ACSM3: variants seen among roughly 807,000 people sequenced by gnomAD.
The protein encoded by ACSM3 is acyl-coenzyme A synthetase ACSM3, mitochondrial.
Under a neutral mutation model 74.1 loss-of-function variants are expected in ACSM3, and 61 were observed. The ratio of observed to expected loss-of-function variants is 0.82; its 90% CI spans 0.67 to 1.02. ACSM3 has a LOEUF of 1.02. Ranked by LOEUF, ACSM3 falls within the 50% of genes least tolerant of loss-of-function variation. ACSM3 has a pLI of 0.00. For synonymous variants in ACSM3, 213 were observed against 241.5 expected (o/e 0.88, Z 1.09); for missense variants, 660 against 697.0 (o/e 0.95, Z 0.60).
chr16:20,781,583 AG>A, intron 6 of ACSM3, 124 bp from the exon 7 acceptor site: 1 of 784,128 alleles, frequency 1.3e-6, no homozygotes. Context: ...TGATTCTACA[AG>A]AAAAGGTAAG....
At chr16:20,757,110 T>C (rs373842582) in intron 3 of ACSM3, among the ~76,000 whole-genome samples, 18,877 of 148,724 alleles carry the variant, frequency 0.13, 1,233 homozygotes, top group East Asian at 0.2. Flanking sequence ...ATTGACTTGG[T>C]GATGCGGGCT....
chr16:20,750,868 G>A (rs572328174), intron 2 of ACSM3, among the ~76,000 whole-genome samples: 22 of 24,974 alleles, frequency 8.8e-4, no homozygotes, highest in Middle Eastern at 0.02. Context: ...TTTTTGAAAC[G>A]GAGTCTTACT....
Position 20,705,779 on chromosome 16 carries a change from G to A in ACSM3, c.-190+30957G>A, listed in dbSNP as rs146933470. Among the ~76,000 whole-genome samples the A allele has an allele frequency of 2.9e-3, 444 of 152,302 alleles. 3 individuals carry two copies. The highest frequency in any genetic ancestry group is 0.01 in the African/African-American group (421 of 41,570). On this transcript the variant is annotated intron_variant, in intron 1 of 3. Transcript: ENST00000561584. The stretch of plus-strand genomic sequence containing the variant: ...AATGAAGAAAACTAAAGACTCAGAT[G>A]TTGGAATTAGTAGAGAAGGATTTCA...
chr16:20,767,516 C>CAAAA lies in ACSM3; in HGVS notation c.-51-2442_-51-2439dup, dbSNP rs772094919. Among the ~76,000 whole-genome samples the CAAAA allele has an allele frequency of 8.9e-4, 4 of 4,490 alleles. 1 individual carries two copies. The highest frequency in any genetic ancestry group is 4.1e-3 in the African/African-American group (3 of 728). The allele number at this position is 4,490 out of a possible 152,430, so 2.9% of individuals were successfully genotyped here. ...TGGGCGACAGAGCGAGACTCCGTCT[C>CAAAA]AAAAAAAAAAAAAAAAAAAAAAAAA... On this transcript the variant is annotated intron_variant, in intron 1 of 13. Coordinates refer to ENST00000289416, the MANE Select transcript of ACSM3 (RefSeq NM_005622.4).
intron 1 of ACSM3, among the ~76,000 whole-genome samples, chr16:20,765,279 A>C (rs1285543060): frequency 6.6e-6 from 1 of 152,208 alleles, no homozygotes; most frequent in Non-Finnish European, 1.5e-5. Flanking sequence ...AACCTGGGAA[A>C]TAGAAGTTGT....
intron 1 of ACSM3, among the ~76,000 whole-genome samples, chr16:20,765,666 G>A (rs1170933270): frequency 6.6e-6 from 1 of 152,164 alleles, no homozygotes; most frequent in Non-Finnish European, 1.5e-5. Context: ...TATATTTTCA[G>A]CATTTAGTAC....
intron 3 of ACSM3, 140 bp from the exon 4 acceptor site, chr16:20,777,233 A>T: frequency 1.2e-6 from 1 of 802,572 alleles, no homozygotes; most frequent in Non-Finnish European, 1.9e-6. Context: ...GATAAGTGAA[A>T]GCAAGATAAA....
chr16:20,734,600 T>C (rs1294650202), intron 1 of ACSM3: 1 of 152,142 alleles, frequency 6.6e-6, no homozygotes, highest in Non-Finnish European at 1.5e-5. Flanking sequence ...TTTTTAAAAC[T>C]TAAGGATAAG....
chr16:20,768,205 C>T (rs1180648121), intron 1 of ACSM3, among the ~76,000 whole-genome samples: 1 of 152,148 alleles, frequency 6.6e-6, no homozygotes, highest in African/African-American at 2.4e-5. Flanking sequence ...CTATTAGTCG[C>T]TCCATTGGTA....
chr16:20,797,536 A>T lies in ACSM3; in HGVS notation c.*564A>T. Reference sequence around the variant, plus strand: ...AACTATAAAAGAAGGATCATATACTATTGTTGCTTATTATATGTAATCTAA... The same window carrying T: ...AACTATAAAAGAAGGATCATATACTTTTGTTGCTTATTATATGTAATCTAA... On this transcript the variant is annotated 3_prime_UTR_variant, in exon 14 of 14. Coordinates refer to ENST00000289416, the MANE Select transcript of ACSM3 (RefSeq NM_005622.4). The T allele has an allele frequency of 8.3e-7, 1 of 1,211,062 alleles. No individual in the cohort carries two copies. The highest frequency in any genetic ancestry group is 1.6e-5 in the African/African-American group (1 of 63,620). 75.0% of individuals were successfully genotyped at this position (1,211,062 alleles called of 1,614,324 possible).
intron 1 of ACSM3, among the ~76,000 whole-genome samples, chr16:20,709,121 A>C (rs550482076): frequency 6.6e-6 from 1 of 152,348 alleles, no homozygotes; most frequent in African/African-American, 2.4e-5. Context: ...CCAAAGTATA[A>C]TTTAAAAAAT....
At chr16:20,739,829 TA>T (rs66818518) in intron 1 of ACSM3, among the ~76,000 whole-genome samples, 63,100 of 139,896 alleles carry the variant, frequency 0.45, 14,905 homozygotes, top group Non-Finnish European at 0.58. Context: ...TCAAAAAAAT[TA>T]AAAAAAAAAA....
chr16:20,771,336 C>T (rs2080190964), intron 2 of ACSM3, among the ~76,000 whole-genome samples: 1 of 147,162 alleles, frequency 6.8e-6, no homozygotes, highest in South Asian at 2.2e-4. Flanking sequence ...ACTGGGATTA[C>T]AGGCGTGAGC....
At position 20,728,294 on chromosome 16, in the gene ACSM3, CA is replaced by C. The variant is rs1296996009; in HGVS notation, c.-189-21615del. 7.8e-5 allele frequency: 42 copies of C among 538,540 alleles called. No homozygotes were observed. In the Middle Eastern group the frequency reaches 2.0e-3, roughly 25 times the overall value. The allele number at this position is 538,540 out of a possible 1,614,324, so 33.4% of individuals were successfully genotyped here. A position where few individuals can be genotyped will look rare whatever the true frequency, so the allele number is the denominator to read the frequency against. On this transcript the variant is annotated intron_variant, in intron 1 of 3. Transcript: ENST00000561584. ...TCAATAAAGCAGAAAGAACGTTTTACAGTTTTCTGCTATTCACTGTACAACT... is the reference window on the plus strand; with the variant it reads ...TCAATAAAGCAGAAAGAACGTTTTACGTTTTCTGCTATTCACTGTACAACT...
chr16:20,713,582 G>C (rs962446988), intron 1 of ACSM3, among the ~76,000 whole-genome samples: 1 of 152,202 alleles, frequency 6.6e-6, no homozygotes, highest in African/African-American at 2.4e-5. Flanking sequence ...TTCAATTCTT[G>C]TCTCTTCTCT....
At chr16:20,753,035 G>A (rs2080000313) in intron 2 of ACSM3, among the ~76,000 whole-genome samples, 1 of 151,240 alleles carries the variant, frequency 6.6e-6, no homozygotes, top group Admixed American at 6.6e-5. Context: ...GTTCTACAAT[G>A]AATTACAAAG....
chr16:20,690,639 C>G (rs1255025259), intron 1 of ACSM3, among the ~76,000 whole-genome samples: 1 of 152,222 alleles, frequency 6.6e-6, no homozygotes, highest in Non-Finnish European at 1.5e-5. Flanking sequence ...CCAGTTAAGA[C>G]ACATTGTCCC....
At chr16:20,742,109 G>T (rs1458810199) in intron 1 of ACSM3, 4 of 1,219,804 alleles carry the variant, frequency 3.3e-6, no homozygotes, top group Non-Finnish European at 4.2e-6. Context: ...AATTCTGCCA[G>T]CTACTGTGGA....
chr16:20,792,472 A>C, intron 12 of ACSM3, 137 bp downstream of exon 12: 1 of 1,504,386 alleles, frequency 6.6e-7, no homozygotes, highest in East Asian at 2.4e-5. Flanking sequence ...TATGCTAGTC[A>C]GAAAGAACTG....
Sources: gnomAD v4.1 joint callset for allele counts (sites outside exome capture counted in the v4.1 genomes callset) on GRCh38, gnomAD v4.1.1 for gene constraint, MANE v1.5 for transcripts, NCBI Gene and HGNC (gene_info 2026-07-23, HGNC 2026-07-21) for gene names.